The following KAZN variants were observed in gnomAD, a reference collection of about 807,000 sequenced individuals.
The protein encoded by KAZN is kazrin, periplakin interacting protein.
A neutral mutation model predicts 87.4 loss-of-function variants in KAZN; 40 were observed. The observed-to-expected ratio is 0.46, with a 90% CI of 0.36 to 0.60. KAZN has a LOEUF of 0.60. KAZN is among the 20% of genes least tolerant of loss of function. The probability of loss-of-function intolerance (pLI) is 0.00; values close to 1 mark genes in which losing one functional copy is unlikely to be tolerated. For missense variants in KAZN, 898 were observed against 1,073.9 expected, an observed-to-expected ratio of 0.84 and a Z score of 2.29; for synonymous variants, 466 against 458.3, an observed-to-expected ratio of 1.02 and a Z score of -0.22.
intron 2 of KAZN, among the ~76,000 whole-genome samples, chr1:14,487,540 T>G (rs1289899958): frequency 6.6e-6 from 1 of 152,118 alleles, no homozygotes; most frequent in South Asian, 2.1e-4. Context: ...AGAGGAGAGA[T>G]GAAGAAATTA....
chr1:14,282,108 A>G (rs972735569), intron 2 of KAZN, among the ~76,000 whole-genome samples: 2 of 152,230 alleles, frequency 1.3e-5, no homozygotes, highest in African/African-American at 4.8e-5. Context: ...CTGAAAAATA[A>G]AAGATAAAAA....
intron 1 of KAZN, among the ~76,000 whole-genome samples, chr1:13,984,573 C>T (rs1638920757): frequency 2.0e-5 from 3 of 152,116 alleles, no homozygotes; most frequent in Admixed American, 6.5e-5. Context: ...GTGGTCATCT[C>T]AGTGTTATTT....
At chr1:13,943,123 A>G (rs1641000421) in intron 1 of KAZN, among the ~76,000 whole-genome samples, 1 of 152,228 alleles carries the variant, frequency 6.6e-6, no homozygotes, top group Non-Finnish European at 1.5e-5. Flanking sequence ...AGTTCTATAA[A>G]CCACAATCCA....
intron 1 of KAZN, among the ~76,000 whole-genome samples, chr1:14,623,349 T>C (rs1678862609): frequency 2.6e-5 from 4 of 152,212 alleles, no homozygotes; most frequent in Admixed American, 2.6e-4. Flanking sequence ...GCCATTATGC[T>C]CAGTGAACTA....
chr1:14,179,398 A>G (rs1164836587), intron 1 of KAZN, among the ~76,000 whole-genome samples: 1 of 152,228 alleles, frequency 6.6e-6, no homozygotes, highest in African/African-American at 2.4e-5. Context: ...AAGGATCACA[A>G]TCCCATGTTG....
chr1:14,630,559 T>C (rs1679489192), intron 1 of KAZN, among the ~76,000 whole-genome samples: 1 of 152,200 alleles, frequency 6.6e-6, no homozygotes, highest in Non-Finnish European at 1.5e-5. Flanking sequence ...TTTAAAAGAT[T>C]ATAGTAATGA....
chr1:14,941,946 G>A (rs953457856), intron 1 of KAZN, among the ~76,000 whole-genome samples: 1 of 152,136 alleles, frequency 6.6e-6, no homozygotes, highest in Non-Finnish European at 1.5e-5. Flanking sequence ...GCCGTCTACC[G>A]CTGGAGGTGG....
intron 1 of KAZN, among the ~76,000 whole-genome samples, chr1:14,942,666 G>A (rs1265599626): frequency 6.6e-6 from 1 of 152,224 alleles, no homozygotes; most frequent in African/African-American, 2.4e-5. Context: ...GTCCTAGGGG[G>A]TCTTTGGCTT....
At chr1:14,861,646 G>A (rs760662222) in intron 1 of KAZN, among the ~76,000 whole-genome samples, 5 of 152,056 alleles carry the variant, frequency 3.3e-5, no homozygotes, top group Non-Finnish European at 7.4e-5. Flanking sequence ...GCTAAGGTTC[G>A]CTCCAGAGGT....
chr1:14,653,093 C>T (rs1266373965), intron 1 of KAZN, among the ~76,000 whole-genome samples: 1 of 152,206 alleles, frequency 6.6e-6, no homozygotes, highest in East Asian at 1.9e-4. Flanking sequence ...GGAGATTGTG[C>T]TGATGCTGCT....
At chr1:15,078,295 C>T (rs572938263) in intron 8 of KAZN, among the ~76,000 whole-genome samples, 103 of 152,152 alleles carry the variant, frequency 6.8e-4, no homozygotes, top group Non-Finnish European at 1.2e-3. Flanking sequence ...ATCACAGCTA[C>T]TCGGGGGGCT....
rs1571829738 is a variant in KAZN at position 14,511,131 on chromosome 1, T to G, written c.250-87852T>G. Among the ~76,000 whole-genome samples, 5 of 152,268 alleles carry G rather than the reference T, an allele frequency of 3.3e-5. 1 individual carries two copies. The highest frequency in any genetic ancestry group is 3.3e-4 in the Admixed American group (5 of 15,300). On this transcript the variant is annotated intron_variant, in intron 2 of 16. Transcript: ENST00000636203. ...GGGGGGTGGGAGGGTGGTCCCAGTT[T>G]CTATGTTGCATGTGATATTCATTCA...
At chr1:14,698,368 C>T (rs746950501) in intron 1 of KAZN, among the ~76,000 whole-genome samples, 2 of 152,332 alleles carry the variant, frequency 1.3e-5, no homozygotes, top group Non-Finnish European at 2.9e-5. Flanking sequence ...GCCATCTGTG[C>T]ACCCAGACAT....
At chr1:14,402,555 T>G (rs1402147304) in intron 2 of KAZN, among the ~76,000 whole-genome samples, 1 of 152,088 alleles carries the variant, frequency 6.6e-6, no homozygotes, top group African/African-American at 2.4e-5. Flanking sequence ...ATATAAAATA[T>G]CCCCAAATTA....
chr1:14,865,160 G>T (rs1007223152), intron 1 of KAZN, among the ~76,000 whole-genome samples: 5 of 152,150 alleles, frequency 3.3e-5, no homozygotes, highest in Non-Finnish European at 5.9e-5. Context: ...TCTGCCTCTT[G>T]CCCAAGGTCA....
chr1:14,965,028 A>T (rs6686885), intron 2 of KAZN, among the ~76,000 whole-genome samples: 73,807 of 150,588 alleles, frequency 0.49, 18,471 homozygotes, highest in Middle Eastern at 0.58. Flanking sequence ...ATATATATAT[A>T]TTTTTTTCTT....
At chr1:14,177,168 A>G (rs1407759770) in intron 1 of KAZN, among the ~76,000 whole-genome samples, 2 of 152,088 alleles carry the variant, frequency 1.3e-5, no homozygotes, top group Non-Finnish European at 2.9e-5. Flanking sequence ...AAAAAAAAAG[A>G]CAATATGCTT....
chr1:15,010,079 A>T (rs912987124), intron 2 of KAZN, among the ~76,000 whole-genome samples: 9 of 152,204 alleles, frequency 5.9e-5, no homozygotes, highest in Admixed American at 3.3e-4. Flanking sequence ...ATTAGTTTTA[A>T]TATCTTTTTA....
chr1:14,387,625 C>T (rs1055372323), intron 2 of KAZN, among the ~76,000 whole-genome samples: 18 of 152,146 alleles, frequency 1.2e-4, no homozygotes, highest in Admixed American at 6.5e-4. Flanking sequence ...TTAGGCTGCT[C>T]GGGGTTCAGG....
Sources: gnomAD v4.1 joint callset for allele counts (sites outside exome capture counted in the v4.1 genomes callset) on GRCh38, gnomAD v4.1.1 for gene constraint, MANE v1.5 for transcripts, NCBI Gene and HGNC (gene_info 2026-07-23, HGNC 2026-07-21) for gene names.